Variants in TMEM178B observed in about 807,000 individuals in gnomAD.
The protein encoded by TMEM178B is transmembrane protein 178B.
TMEM178B carries 5 observed loss-of-function variants against 31.0 expected under a neutral mutation model. The ratio of observed to expected loss-of-function variants is 0.16; its 90% CI spans 0.08 to 0.34. The LOEUF is 0.34. TMEM178B is among the 10% of genes least tolerant of loss of function. The probability of loss-of-function intolerance (pLI) is 1.00; values close to 1 mark genes in which losing one functional copy is unlikely to be tolerated. For synonymous variants in TMEM178B, 164 were observed against 164.0 expected (o/e 1.00, Z 0.00); for missense variants, 275 against 400.3 (o/e 0.69, Z 2.67).
chr7:141,119,434 T>A (rs1230031564), intron 1 of TMEM178B, among the ~76,000 whole-genome samples: 1 of 152,110 alleles, frequency 6.6e-6, no homozygotes, highest in Non-Finnish European at 1.5e-5. Context: ...GGAACACTGA[T>A]GTGGGCTACT....
At chr7:141,137,688 A>G in intron 1 of TMEM178B, among the ~76,000 whole-genome samples, 1 of 152,356 alleles carries the variant, frequency 6.6e-6, no homozygotes, top group Non-Finnish European at 1.5e-5. Flanking sequence ...AATAATTCCA[A>G]TACAAAGAAA....
intron 2 of TMEM178B, among the ~76,000 whole-genome samples, chr7:141,312,816 A>G (rs981448): frequency 0.74 from 113,319 of 152,236 alleles, 43,151 homozygotes; most frequent in African/African-American, 0.9. Flanking sequence ...TTCAAAGAGT[A>G]AATTCTCAAA....
downstream of TMEM178B, among the ~76,000 whole-genome samples, chr7:141,482,029 G>A (rs1802484863): frequency 6.6e-6 from 1 of 152,152 alleles, no homozygotes; most frequent in Non-Finnish European, 1.5e-5. Context: ...ACAGCCTCAG[G>A]TAAGCCACAG....
chr7:141,488,018 AG>A, the TMEM178B span, among the ~76,000 whole-genome samples: 1 of 151,958 alleles, frequency 6.6e-6, no homozygotes, highest in Non-Finnish European at 1.5e-5. Context: ...CTAAAATTGT[AG>A]GCCTTAAAAG....
chr7:141,354,521 G>A (rs114139575), intron 2 of TMEM178B, among the ~76,000 whole-genome samples: 4,996 of 152,272 alleles, frequency 0.033, 282 homozygotes, highest in African/African-American at 0.11. Flanking sequence ...TCAGGAGTCT[G>A]AGTGTATGTG....
intron 1 of TMEM178B, among the ~76,000 whole-genome samples, chr7:141,168,239 T>C (rs1796292612): frequency 6.6e-6 from 1 of 152,200 alleles, no homozygotes; most frequent in Admixed American, 6.5e-5. Flanking sequence ...TGACTTGGTG[T>C]AATTTGGTTG....
rs553626316 is a variant in TMEM178B at position 141,144,668 on chromosome 7, G to C, written c.383-67923G>C. Among the ~76,000 whole-genome samples, 68 of 152,246 alleles carry C rather than the reference G, an allele frequency of 4.5e-4. 1 individual carries two copies. The highest frequency in any genetic ancestry group is 9.1e-4 in the Non-Finnish European group (62 of 68,000). ...AGCAGGACTCTAAATTCAGGCAAGGGACACAGGAATAGTCCTTTATTTAAG... is the reference window on the plus strand; with the variant it reads ...AGCAGGACTCTAAATTCAGGCAAGGCACACAGGAATAGTCCTTTATTTAAG... On this transcript the variant is annotated intron_variant, in intron 1 of 3. Coordinates refer to ENST00000565468, the MANE Select transcript of TMEM178B (RefSeq NM_001195278.2).
At position 141,329,541 on chromosome 7, in the gene TMEM178B, C is replaced by T. The variant is rs541402191; in HGVS notation, c.497-108067C>T. Among the ~76,000 whole-genome samples the T allele has an allele frequency of 6.5e-4, 99 of 152,306 alleles. 1 individual carries two copies. The South Asian group carries it at 0.02, about 30-fold the overall frequency. ...CTTCCACAGGATAAAGCTTTTCTGT[C>T]ATTGCAACATATTCAGGTAAAGTCA... On this transcript the variant is annotated intron_variant, in intron 2 of 3. Transcript: ENST00000565468.
intron 2 of TMEM178B, among the ~76,000 whole-genome samples, chr7:141,424,243 A>T (rs1334429615): frequency 6.6e-6 from 1 of 152,170 alleles, no homozygotes; most frequent in Non-Finnish European, 1.5e-5. Context: ...TGAAAGCATC[A>T]CATGCAAAAA....
the TMEM178B span, among the ~76,000 whole-genome samples, chr7:141,498,329 C>A: frequency 1.3e-5 from 2 of 152,232 alleles, no homozygotes; most frequent in Non-Finnish European, 2.9e-5. Flanking sequence ...TTGGCACCGT[C>A]TTCTCAGGAT....
At chr7:141,413,061 T>A (rs2116638456) in intron 2 of TMEM178B, among the ~76,000 whole-genome samples, 1 of 152,336 alleles carries the variant, frequency 6.6e-6, no homozygotes, top group African/African-American at 2.4e-5. Flanking sequence ...AGTGTCATTT[T>A]GATCTTCCAT....
intron 3 of TMEM178B, among the ~76,000 whole-genome samples, chr7:141,453,113 C>T (rs148879875): frequency 8.4e-4 from 128 of 152,370 alleles, no homozygotes; most frequent in African/African-American, 2.9e-3. Context: ...TAGACCCAGA[C>T]TCCTCCTCTG....
intron 2 of TMEM178B, among the ~76,000 whole-genome samples, chr7:141,295,974 G>A (rs984923452): frequency 2.6e-5 from 4 of 152,028 alleles, no homozygotes; most frequent in Admixed American, 1.3e-4. Flanking sequence ...TGACAGCAGC[G>A]CACACATGTC....
intron 1 of TMEM178B, among the ~76,000 whole-genome samples, chr7:141,099,799 G>A (rs1320080876): frequency 6.6e-6 from 1 of 151,692 alleles, no homozygotes; most frequent in Non-Finnish European, 1.5e-5. Flanking sequence ...TGGCCCCTTT[G>A]GAGCTTGTGT....
At chr7:141,175,017 T>C (rs1014376559) in intron 1 of TMEM178B, among the ~76,000 whole-genome samples, 18 of 152,240 alleles carry the variant, frequency 1.2e-4, no homozygotes, top group Non-Finnish European at 2.2e-4. Context: ...TTTGGTGTTT[T>C]AGTCATGAAG....
chr7:141,218,690 C>T (rs1797202668), intron 2 of TMEM178B, among the ~76,000 whole-genome samples: 1 of 152,086 alleles, frequency 6.6e-6, no homozygotes, highest in Non-Finnish European at 1.5e-5. Context: ...CTTCCTCACC[C>T]TCTCCCTTTC....
intron 1 of TMEM178B, among the ~76,000 whole-genome samples, chr7:141,095,899 G>A (rs1211851480): frequency 6.6e-6 from 1 of 152,136 alleles, no homozygotes; most frequent in African/African-American, 2.4e-5. Flanking sequence ...GTGTGCCTGT[G>A]TGTTTTCCTG....
rs146584721 is a variant in TMEM178B, at chr7:141,394,751, A to G, written c.497-42857A>G. Among the ~76,000 whole-genome samples the G allele has an allele frequency of 5.3e-3, 801 of 152,320 alleles. 21 individuals carry two copies. Among genetic ancestry groups the G allele is most frequent in the East Asian group, 2.3e-3 (12 of 5,190 alleles). On this transcript the variant is annotated intron_variant, in intron 2 of 3. Transcript: ENST00000565468. ...ATTTTCCATTTTGCATCTATGCTATATTAGTTTACATATTCTCAGACTCTA... is the reference window on the plus strand; with the variant it reads ...ATTTTCCATTTTGCATCTATGCTATGTTAGTTTACATATTCTCAGACTCTA...
At chr7:141,209,778 A>T (rs532988108) in intron 1 of TMEM178B, among the ~76,000 whole-genome samples, 1 of 152,200 alleles carries the variant, frequency 6.6e-6, no homozygotes, top group African/African-American at 2.4e-5. Flanking sequence ...CATTTGAGCC[A>T]TCTCTTAGGA....
Sources: gnomAD v4.1 joint callset for allele counts (sites outside exome capture counted in the v4.1 genomes callset) on GRCh38, gnomAD v4.1.1 for gene constraint, MANE v1.5 for transcripts, NCBI Gene and HGNC (gene_info 2026-07-23, HGNC 2026-07-21) for gene names.